Variants in SYT2 observed in about 807,000 individuals in gnomAD.
The protein encoded by SYT2 is synaptotagmin-2.
In SYT2, 15 loss-of-function variants were observed where a neutral mutation model predicts 39.9. That is an observed-to-expected ratio of 0.38 (90% CI 0.25 to 0.58). The LOEUF (loss-of-function observed/expected upper bound fraction) is 0.58, where lower values mean the gene tolerates loss of function less well. Among genes scored for constraint, SYT2 ranks in the 20% least tolerant of loss-of-function variants. The pLI, the probability that SYT2 is intolerant of heterozygous loss-of-function variation, is 0.70. For synonymous variants in SYT2, 181 were observed against 204.5 expected (o/e 0.89, Z 0.98); for missense variants, 389 against 530.3 (o/e 0.73, Z 2.62).
intron 1 of SYT2, among the ~76,000 whole-genome samples, chr1:202,624,747 GGGTGTGT>G (rs1691316110): frequency 7.3e-6 from 1 of 137,818 alleles, no homozygotes; most frequent in African/African-American, 2.8e-5. Context: ...GCATGTAGTA[GGGTGTGT>G]GGTGTGTGTG....
At position 202,640,790 on chromosome 1, in the gene SYT2, GAGAC is replaced by G. The variant is rs796898888; in HGVS notation, c.-17-35005_-17-35002del. On this transcript the variant is annotated intron_variant, in intron 1 of 8. Coordinates refer to ENST00000367268, the MANE Select transcript of SYT2 (RefSeq NM_177402.5). ...AGAGAGAGAGAGAGAGAGAGAGAGAGAGACAGACAGACAGAGAGACAGAGAGACA... is the reference window on the plus strand; with the variant it reads ...AGAGAGAGAGAGAGAGAGAGAGAGAGAGACAGACAGAGAGACAGAGAGACA... Among the ~76,000 whole-genome samples the G allele has an allele frequency of 6.8e-3, 812 of 120,028 alleles. 9 individuals are homozygous for G. Among genetic ancestry groups the G allele is most frequent in the Middle Eastern group, 0.013 (3 of 226 alleles). The allele number at this position is 120,028 out of a possible 152,430, so 78.7% of individuals were successfully genotyped here.
rs540421528 is a variant in SYT2 at position 202,691,097 on chromosome 1, A to T, written c.-18+19161T>A. 1.8e-4 allele frequency among the ~76,000 whole-genome samples: 28 copies of T among 152,302 alleles called. No homozygotes were observed. The South Asian group carries it at 3.5e-3, about 19-fold the overall frequency. Reference sequence around the variant, plus strand: ...GCCCCCTAAGAAATGGTCACTTGGCATCTCTGAAGGGAGCTTAAAAGCAGG... The same window carrying T: ...GCCCCCTAAGAAATGGTCACTTGGCTTCTCTGAAGGGAGCTTAAAAGCAGG... On this transcript the variant is annotated intron_variant, in intron 1 of 8. Coordinates refer to ENST00000367268, the MANE Select transcript of SYT2 (RefSeq NM_177402.5).
intron 1 of SYT2, among the ~76,000 whole-genome samples, chr1:202,613,832 C>T: frequency 6.6e-6 from 1 of 152,200 alleles, no homozygotes; most frequent in East Asian, 1.9e-4. Flanking sequence ...TGAATGTAGT[C>T]CCAAGAATGC....
At chr1:202,679,105 C>T (rs1024483593) in intron 1 of SYT2, among the ~76,000 whole-genome samples, 5 of 152,198 alleles carry the variant, frequency 3.3e-5, no homozygotes, top group African/African-American at 4.8e-5. Flanking sequence ...ATCTCTCACT[C>T]CCCTCCTACT....
chr1:202,710,068 C>T (rs889103681), intron 1 of SYT2, among the ~76,000 whole-genome samples, 190 bp downstream of exon 1: 1 of 152,086 alleles, frequency 6.6e-6, no homozygotes, highest in Non-Finnish European at 1.5e-5. Flanking sequence ...CGAGACGAAC[C>T]TTCCATCCGG....
At chr1:202,640,733 TCAGAGAGAGAGA>T (rs1691882872) in intron 1 of SYT2, among the ~76,000 whole-genome samples, 3 of 92,114 alleles carry the variant, frequency 3.3e-5, no homozygotes, top group South Asian at 7.5e-4. Flanking sequence ...GTCCTAATGG[TCAGAGAGAGAGA>T]GAGAGAGAGA....
intron 1 of SYT2, among the ~76,000 whole-genome samples, chr1:202,616,668 T>A (rs1266248441): frequency 6.6e-6 from 1 of 152,166 alleles, no homozygotes; most frequent in African/African-American, 2.4e-5. Flanking sequence ...CAGGGCGCAT[T>A]TTCATTTTCC....
intron 1 of SYT2, among the ~76,000 whole-genome samples, chr1:202,636,778 T>C (rs1477599589): frequency 6.6e-6 from 1 of 152,254 alleles, no homozygotes. Context: ...CTTAGAGCTA[T>C]ATGTAAATAG....
intron 1 of SYT2, among the ~76,000 whole-genome samples, chr1:202,610,592 A>G (rs1247017610): frequency 6.6e-6 from 1 of 152,156 alleles, no homozygotes; most frequent in Non-Finnish European, 1.5e-5. Context: ...TCAGCCCAAA[A>G]TCTCCTTAAG....
chr1:202,630,382 T>C, intron 1 of SYT2: 2 of 985,286 alleles, frequency 2.0e-6, no homozygotes, highest in Non-Finnish European at 1.2e-6. Context: ...GCCAACCGGC[T>C]TTCCCATGAT....
At chr1:202,675,854 C>A (rs145699344) in intron 1 of SYT2, among the ~76,000 whole-genome samples, 128 of 152,338 alleles carry the variant, frequency 8.4e-4, no homozygotes, top group Non-Finnish European at 1.5e-3. Context: ...GAATAGTAAT[C>A]ATTCCTAACC....
At chr1:202,703,284 C>A (rs575512697) in intron 1 of SYT2, among the ~76,000 whole-genome samples, 2 of 151,870 alleles carry the variant, frequency 1.3e-5, no homozygotes, top group African/African-American at 4.8e-5. Context: ...CCCCTCCCTC[C>A]GCCGCCCATA....
chr1:202,691,966 T>C (rs1653848319), intron 1 of SYT2, among the ~76,000 whole-genome samples: 1 of 151,810 alleles, frequency 6.6e-6, no homozygotes, highest in South Asian at 2.1e-4. Context: ...CTATTCTCTC[T>C]CCCACCATCA....
intron 1 of SYT2, among the ~76,000 whole-genome samples, chr1:202,688,857 G>A (rs900305205): frequency 2.6e-5 from 4 of 152,176 alleles, no homozygotes; most frequent in African/African-American, 7.2e-5. Context: ...AGATGTCCCC[G>A]GGTGGCCTCC....
chr1:202,627,188 A>G (rs1259071178), intron 1 of SYT2, among the ~76,000 whole-genome samples: 1 of 152,196 alleles, frequency 6.6e-6, no homozygotes, highest in African/African-American at 2.4e-5. Context: ...CCTCTTGCAG[A>G]GACTGCGTCA....
At chr1:202,692,444 T>C (rs1653860537) in intron 1 of SYT2, among the ~76,000 whole-genome samples, 1 of 152,222 alleles carries the variant, frequency 6.6e-6, no homozygotes, top group African/African-American at 2.4e-5. Flanking sequence ...TGGAGAAAGA[T>C]GCAAGGCGCT....
intron 1 of SYT2, among the ~76,000 whole-genome samples, chr1:202,697,718 T>A (rs1224238106): frequency 6.6e-6 from 1 of 152,234 alleles, no homozygotes; most frequent in Non-Finnish European, 1.5e-5. Flanking sequence ...TGTGTGCTGA[T>A]GAGTGTGCTG....
intron 1 of SYT2, among the ~76,000 whole-genome samples, chr1:202,656,950 T>A (rs1012775524): frequency 6.6e-6 from 1 of 152,216 alleles, no homozygotes; most frequent in East Asian, 1.9e-4. Flanking sequence ...TCTCCAGCTC[T>A]CTGGAAGCAG....
chr1:202,676,283 T>C (rs1164998155), intron 1 of SYT2, among the ~76,000 whole-genome samples: 1 of 151,758 alleles, frequency 6.6e-6, no homozygotes, highest in Non-Finnish European at 1.5e-5. Context: ...AGGAAATAGA[T>C]GAGATGCCAT....
Sources: gnomAD v4.1 joint callset for allele counts (sites outside exome capture counted in the v4.1 genomes callset) on GRCh38, gnomAD v4.1.1 for gene constraint, MANE v1.5 for transcripts, NCBI Gene and HGNC (gene_info 2026-07-23, HGNC 2026-07-21) for gene names.